Variants in SOX5 observed in about 807,000 individuals in gnomAD.
The protein encoded by SOX5 is transcription factor SOX-5.
Under a neutral mutation model 92.0 loss-of-function variants are expected in SOX5, and 9 were observed. The observed-to-expected ratio is 0.10, with a 90% CI of 0.06 to 0.17. SOX5 has a LOEUF of 0.17. Ranked by LOEUF, SOX5 falls within the 10% of genes least tolerant of loss-of-function variation. SOX5 has a pLI of 1.00. For synonymous variants in SOX5, 344 were observed against 336.3 expected (o/e 1.02, Z -0.25); for missense variants, 642 against 944.5 (o/e 0.68, Z 4.20).
At chr12:24,188,658 A>G (rs1956239422) in intron 4 of SOX5, among the ~76,000 whole-genome samples, 2 of 152,170 alleles carry the variant, frequency 1.3e-5, no homozygotes, top group African/African-American at 4.8e-5. Context: ...CTACAGCATC[A>G]AGGAAAAGGC....
intron 4 of SOX5, among the ~76,000 whole-genome samples, chr12:24,009,586 G>T (rs1297337359): frequency 6.6e-6 from 1 of 152,012 alleles, no homozygotes; most frequent in Admixed American, 6.6e-5. Flanking sequence ...TATTTCAGCA[G>T]ATTTTCAAGG....
chr12:24,319,817 G>A (rs974272625), intron 2 of SOX5, among the ~76,000 whole-genome samples: 3 of 152,120 alleles, frequency 2.0e-5, no homozygotes, highest in African/African-American at 7.2e-5. Flanking sequence ...TTAATGATGT[G>A]ACATGCAATT....
chr12:24,441,246 T>G (rs1359916464), intron 1 of SOX5, among the ~76,000 whole-genome samples: 2 of 152,220 alleles, frequency 1.3e-5, no homozygotes, highest in African/African-American at 4.8e-5. Context: ...AATAACCCTC[T>G]GCATCATCCT....
rs138626375 is a variant in SOX5 at position 23,689,646 on chromosome 12, A to T, written c.811-24082T>A. 5.9e-5 allele frequency among the ~76,000 whole-genome samples: 9 copies of T among 152,266 alleles called. No homozygotes were observed. In the East Asian group the frequency reaches 1.7e-3, roughly 29 times the overall value. On this transcript the variant is annotated intron_variant, in intron 6 of 14. Coordinates refer to ENST00000451604, the MANE Select transcript of SOX5 (RefSeq NM_006940.6). ...GTTGTAAGTCTTTTTCCTATCTCCC[A>T]AAAATACATGCCATATACATCACCT...
chr12:23,967,809 G>A (rs761070502), intron 4 of SOX5, among the ~76,000 whole-genome samples: 18 of 152,262 alleles, frequency 1.2e-4, no homozygotes, highest in African/African-American at 4.1e-4. Flanking sequence ...TCCTCTGATT[G>A]TTCTGGCTTT....
intron 4 of SOX5, among the ~76,000 whole-genome samples, chr12:24,059,395 G>T (rs756392014): frequency 4.7e-5 from 7 of 149,388 alleles, no homozygotes; most frequent in Non-Finnish European, 9.0e-5. Flanking sequence ...CTTGGCGCTT[G>T]AGTATTTCAA....
At chr12:24,541,624 T>C (rs1253324291) in intron 1 of SOX5, among the ~76,000 whole-genome samples, 1 of 152,208 alleles carries the variant, frequency 6.6e-6, no homozygotes, top group Non-Finnish European at 1.5e-5. Context: ...TGTTTCATGG[T>C]TAATTTTTAG....
chr12:23,700,245 G>A (rs932507697), intron 6 of SOX5, among the ~76,000 whole-genome samples: 1 of 151,872 alleles, frequency 6.6e-6, no homozygotes, highest in Non-Finnish European at 1.5e-5. Context: ...TAATGAGACA[G>A]TCTCAGGTTA....
chr12:23,556,318 A>C (rs1945163918), intron 11 of SOX5, among the ~76,000 whole-genome samples: 1 of 152,236 alleles, frequency 6.6e-6, no homozygotes, highest in Non-Finnish European at 1.5e-5. Context: ...GACTCTGATA[A>C]TAAGAAGGCA....
chr12:24,204,443 C>T (rs986355010), intron 4 of SOX5, among the ~76,000 whole-genome samples: 5 of 151,864 alleles, frequency 3.3e-5, no homozygotes, highest in African/African-American at 1.2e-4. Flanking sequence ...ATTTTCATGC[C>T]TCGGCTTCCT....
intron 1 of SOX5, among the ~76,000 whole-genome samples, chr12:23,917,939 T>C (rs2097435014): frequency 6.6e-6 from 1 of 152,226 alleles, no homozygotes; most frequent in African/African-American, 2.4e-5. Flanking sequence ...GGGTATCTAC[T>C]AATTATGAGT....
intron 2 of SOX5, among the ~76,000 whole-genome samples, chr12:23,864,889 G>C (rs1433095693): frequency 5.9e-5 from 9 of 152,180 alleles, no homozygotes; most frequent in African/African-American, 2.2e-4. Context: ...CTTCAGTGTA[G>C]ACAAAACAAT....
In SOX5 at chr12:23,770,157, C is replaced by A. The variant is rs560189228; in HGVS notation, c.482-14433G>T. On this transcript the variant is annotated intron_variant, in intron 3 of 14. Coordinates refer to ENST00000451604, the MANE Select transcript of SOX5 (RefSeq NM_006940.6). ...CCTTTGTCCTGTCATGTTTTCAGAACCAGCTCTTTCTTCCTCCCCTATCCG... is the reference window on the plus strand; with the variant it reads ...CCTTTGTCCTGTCATGTTTTCAGAAACAGCTCTTTCTTCCTCCCCTATCCG... Among the ~76,000 whole-genome samples the A allele has an allele frequency of 8.6e-4, 128 of 148,000 alleles. 1 individual carries two copies. Among genetic ancestry groups the A allele is most frequent in the South Asian group, 2.4e-3 (11 of 4,610 alleles).
At chr12:23,976,852 T>C (rs1409973075) in intron 4 of SOX5, among the ~76,000 whole-genome samples, 1 of 151,634 alleles carries the variant, frequency 6.6e-6, no homozygotes, top group Non-Finnish European at 1.5e-5. Flanking sequence ...AAACAGCATA[T>C]ATAAAACAAC....
Position 24,166,355 on chromosome 12 carries a change from C to G in SOX5, c.-2+46988G>C, listed in dbSNP as rs148832679. The stretch of plus-strand genomic sequence containing the variant: ...TCAGCCAGCCAATGAATATACAGAC[C>G]TCCCGTTCAAGAGAAAAGTGTGAGG... On this transcript the variant is annotated intron_variant, in intron 4 of 4. Coordinates refer to the SOX5 transcript ENST00000446891. Among the ~76,000 whole-genome samples, 18 of 152,206 alleles carry G rather than the reference C, an allele frequency of 1.2e-4. No individual in the cohort carries two copies. In the East Asian group the frequency reaches 3.5e-3, roughly 29 times the overall value.
chr12:23,725,451 G>A (rs1039620224), intron 6 of SOX5, among the ~76,000 whole-genome samples: 5 of 152,128 alleles, frequency 3.3e-5, no homozygotes, highest in Admixed American at 2.6e-4. Context: ...TCACTATCAT[G>A]AGAACAGCAT....
At position 24,018,737 on chromosome 12, in the gene SOX5, C is replaced by T. The variant is rs180723932; in HGVS notation, c.-1-122713G>A. ...GCTTGAACCTGGGAGGCGGAGGTTG[C>T]AGTGAGCTGAGATCACACCCATTGC... On this transcript the variant is annotated intron_variant, in intron 4 of 4. Coordinates refer to the SOX5 transcript ENST00000446891. Among the ~76,000 whole-genome samples the T allele has an allele frequency of 3.9e-3, 590 of 152,162 alleles. 5 individuals are homozygous for T. The highest frequency in any genetic ancestry group is 0.014 in the African/African-American group (564 of 41,548).
At chr12:23,846,895 G>T (rs985935944) in intron 2 of SOX5, among the ~76,000 whole-genome samples, 4 of 152,022 alleles carry the variant, frequency 2.6e-5, no homozygotes, top group Non-Finnish European at 2.9e-5. Context: ...ATCCTCATTT[G>T]CCCTATAAAA....
chr12:23,634,578 G>A (rs1477142157), intron 8 of SOX5, among the ~76,000 whole-genome samples: 2 of 152,130 alleles, frequency 1.3e-5, no homozygotes, highest in African/African-American at 2.4e-5. Context: ...GACTGAGTAG[G>A]TGATGTGGAG....
Sources: gnomAD v4.1 joint callset for allele counts (sites outside exome capture counted in the v4.1 genomes callset) on GRCh38, gnomAD v4.1.1 for gene constraint, MANE v1.5 for transcripts, NCBI Gene and HGNC (gene_info 2026-07-23, HGNC 2026-07-21) for gene names.